RYR3: variants seen among roughly 807,000 people sequenced by gnomAD.
RYR3 encodes ryanodine receptor 3.
Under a neutral mutation model 584.3 loss-of-function variants are expected in RYR3, and 207 were observed. That is an observed-to-expected ratio of 0.35 (90% CI 0.32 to 0.40). The LOEUF is 0.40. RYR3 is among the 10% of genes least tolerant of loss of function. RYR3 has a pLI of 1.00. For synonymous variants in RYR3, 2,416 were observed against 2,248.5 expected, an observed-to-expected ratio of 1.07 and a Z score of -2.11; for missense variants, 5,616 against 6,089.2, an observed-to-expected ratio of 0.92 and a Z score of 2.59.
intron 73 of RYR3, 39 bp downstream of exon 73, chr15:33,813,033 C>T: frequency 6.2e-7 from 1 of 1,611,830 alleles, no homozygotes; most frequent in Non-Finnish European, 8.5e-7. Context: ...GAAGCAGAAA[C>T]ACCCTGGACC....
At chr15:33,421,705 A>C (rs1305494211) in intron 1 of RYR3, among the ~76,000 whole-genome samples, 2 of 152,188 alleles carry the variant, frequency 1.3e-5, no homozygotes, top group Non-Finnish European at 2.9e-5. Context: ...CCAAACTCAC[A>C]GGAGTTTATA....
rs556848883 is a variant in RYR3 at position 33,527,238 on chromosome 15, T to C, written c.280-3354T>C. On this transcript the variant is annotated intron_variant, in intron 3 of 103. Coordinates refer to ENST00000634891, the MANE Select transcript of RYR3 (RefSeq NM_001036.6). ...GGTTTTTAAATTTTTAGAAGAATGT[T>C]TTTAAAACATTTTTTAAAGGGCAAA... Among the ~76,000 whole-genome samples, 203 of 152,212 alleles carry C rather than the reference T, an allele frequency of 1.3e-3. 1 individual carries two copies. Among genetic ancestry groups the C allele is most frequent in the African/African-American group, 4.7e-3 (197 of 41,526 alleles).
At chr15:33,844,841 C>A (rs532174409) in intron 92 of RYR3, 21 bp from the exon 93 acceptor site, 3 of 1,605,614 alleles carry the variant, frequency 1.9e-6, no homozygotes, top group Non-Finnish European at 2.6e-6. Flanking sequence ...GTTTAATAAG[C>A]GAGTGTGTAT....
chr15:33,530,992 A>G (rs1430819070), intron 4 of RYR3, among the ~76,000 whole-genome samples: 2 of 152,152 alleles, frequency 1.3e-5, no homozygotes, highest in East Asian at 3.8e-4. Context: ...TATTTGTTGA[A>G]TTGACACATG....
In RYR3 at chr15:33,725,972, C is replaced by G. The variant is rs1415212237; in HGVS notation, c.6913-414C>G. ...GTGACAGAGCAAGACTCCATCCCCCCCCCCAAAAAAAAAAAAAAAAAAAAA... is the reference window on the plus strand; with the variant it reads ...GTGACAGAGCAAGACTCCATCCCCCGCCCCAAAAAAAAAAAAAAAAAAAAA... On this transcript the variant is annotated intron_variant, in intron 45 of 103. Transcript: ENST00000634891. Among the ~76,000 whole-genome samples the G allele has an allele frequency of 1.1e-3, 46 of 40,576 alleles. 2 individuals carry two copies. The highest frequency in any genetic ancestry group is 2.9e-3 in the African/African-American group (44 of 15,120). 26.6% of individuals were successfully genotyped at this position (40,576 alleles called of 152,430 possible).
chr15:33,629,750 C>T (rs1014327976), intron 21 of RYR3, 190 bp from the exon 22 acceptor site: 4 of 499,508 alleles, frequency 8.0e-6, no homozygotes, highest in Non-Finnish European at 1.4e-5. Flanking sequence ...GCACAAACCA[C>T]TGGCAACTTG....
intron 102 of RYR3, among the ~76,000 whole-genome samples, chr15:33,862,264 G>A (rs2153021193): frequency 6.6e-6 from 1 of 152,306 alleles, no homozygotes; most frequent in South Asian, 2.1e-4. Context: ...CCAGGCTCGA[G>A]TGCAGTGGTA....
At position 33,859,569 on chromosome 15, in the gene RYR3, C is replaced by G. The variant is rs1452735268; in HGVS notation, c.14143-6C>G. The G allele has an allele frequency of 6.2e-7, 1 of 1,613,630 alleles. No homozygotes were observed. Among genetic ancestry groups the G allele is most frequent in the East Asian group, 2.2e-5 (1 of 44,874 alleles). ...TGCCTAAATCCCCCTTATTTTTCTT[C>G]TCTAGTGTTACCTTTTCCACATGTA... On this transcript the variant is annotated splice_polypyrimidine_tract_variant and splice_region_variant and intron_variant, in intron 99 of 103. Transcript: ENST00000634891.
At chr15:33,526,510 C>G (rs916383528) in intron 3 of RYR3, among the ~76,000 whole-genome samples, 5 of 152,174 alleles carry the variant, frequency 3.3e-5, no homozygotes, top group Admixed American at 6.5e-5. Flanking sequence ...GCATATCACA[C>G]CTTTCCTGGA....
intron 91 of RYR3, 116 bp from the exon 92 acceptor site, chr15:33,843,372 A>T: frequency 1.5e-6 from 1 of 679,792 alleles, no homozygotes; most frequent in South Asian, 1.7e-5. Context: ...GTGGTCATCA[A>T]AGAGTAGGAC....
At chr15:33,814,362 T>A (rs189874347) in intron 74 of RYR3, among the ~76,000 whole-genome samples, 205 of 152,350 alleles carry the variant, frequency 1.3e-3, no homozygotes, top group Non-Finnish European at 1.8e-3. Context: ...CACTGACTTA[T>A]CAAATCAGTA....
chr15:33,578,865 G>A (rs2058450810), intron 12 of RYR3, among the ~76,000 whole-genome samples: 1 of 152,046 alleles, frequency 6.6e-6, no homozygotes, highest in South Asian at 2.1e-4. Flanking sequence ...AAACCCACAA[G>A]AGATAGGTCC....
chr15:33,527,189 A>G (rs1017379412), intron 3 of RYR3, among the ~76,000 whole-genome samples: 2 of 152,206 alleles, frequency 1.3e-5, no homozygotes, highest in South Asian at 4.1e-4. Context: ...TGGCCTGTTT[A>G]TGTACAACCC....
chr15:33,580,462 G>T lies in RYR3; in HGVS notation c.1437+318G>T, dbSNP rs535641062. ...GATTCCCAAGTTTTGGGAAACGTTAGAATTACCTGGGAAACCTGTTTGAAA... is the reference window on the plus strand; with the variant it reads ...GATTCCCAAGTTTTGGGAAACGTTATAATTACCTGGGAAACCTGTTTGAAA... On this transcript the variant is annotated intron_variant, in intron 13 of 103. Transcript: ENST00000634891. Among the ~76,000 whole-genome samples the T allele has an allele frequency of 1.0e-4, 15 of 143,656 alleles. No individual in the cohort carries two copies. In the South Asian group the frequency reaches 3.1e-3, roughly 30 times the overall value. The allele number at this position is 143,656 out of a possible 152,430, so 94.2% of individuals were successfully genotyped here.
At chr15:33,812,460 A>G (rs1005461514) in intron 72 of RYR3, among the ~76,000 whole-genome samples, 3 of 152,216 alleles carry the variant, frequency 2.0e-5, no homozygotes, top group Non-Finnish European at 2.9e-5. Flanking sequence ...TTATATTTTT[A>G]AAAAGAAGGG....
rs374574457 is a variant in RYR3, at chr15:33,746,142, G to A, written c.7974G>A (p.Lys2658=). 1 of 1,594,650 alleles carries A rather than the reference G, an allele frequency of 6.3e-7. No individual in the cohort carries two copies. Among genetic ancestry groups the A allele is most frequent in the African/African-American group, 1.3e-5 (1 of 74,624 alleles). The change falls in exon 53 of 104, where the codon AAG becomes AAA. Residue 2658 remains lysine (K), a synonymous_variant. Transcript: ENST00000634891. ...VKTHPLIRPF[K]TLTEKEKEIY... ...CCCACCCACTGATAAGGCCTTTCAA[G>A]ACATTAACGGAGAAGGTAAGAAGCA...
At chr15:33,631,386 C>A in intron 23 of RYR3, 93 bp downstream of exon 23, 1 of 785,100 alleles carries the variant, frequency 1.3e-6, no homozygotes. Context: ...CAACAGCCCA[C>A]ATAGTTGCTA....
chr15:33,740,403 T>C (rs540636349), intron 51 of RYR3, among the ~76,000 whole-genome samples: 1 of 152,312 alleles, frequency 6.6e-6, no homozygotes, highest in East Asian at 1.9e-4. Flanking sequence ...AACACTCAGC[T>C]GTGTCCTGGC....
intron 64 of RYR3, among the ~76,000 whole-genome samples, chr15:33,774,397 G>A (rs554782811): frequency 1.2e-4 from 19 of 152,296 alleles, no homozygotes; most frequent in Admixed American, 4.6e-4. Flanking sequence ...TTACTTAATC[G>A]AAAATCCTTC....
Sources: gnomAD v4.1 joint callset for allele counts (sites outside exome capture counted in the v4.1 genomes callset) on GRCh38, gnomAD v4.1.1 for gene constraint, MANE v1.5 for transcripts, NCBI Gene and HGNC (gene_info 2026-07-23, HGNC 2026-07-21) for gene names.